PPP2R2C: variants seen among roughly 807,000 people sequenced by gnomAD.
PPP2R2C encodes protein phosphatase 2, regulatory subunit B, gamma.
Under a neutral mutation model 45.3 loss-of-function variants are expected in PPP2R2C, and 10 were observed. The observed-to-expected ratio is 0.22, with a 90% CI of 0.14 to 0.37. The LOEUF (loss-of-function observed/expected upper bound fraction) is 0.37. Ranked by LOEUF, PPP2R2C falls within the 10% of genes least tolerant of loss-of-function variation. The probability of loss-of-function intolerance (pLI) is 1.00; values close to 1 mark genes in which losing one functional copy is unlikely to be tolerated. For missense variants in PPP2R2C, 308 were observed against 619.7 expected, an observed-to-expected ratio of 0.50 and a Z score of 5.34; for synonymous variants, 257 against 245.4, an observed-to-expected ratio of 1.05 and a Z score of -0.44.
chr4:6,511,249 CT>C (rs1723446218), intron 2 of PPP2R2C, among the ~76,000 whole-genome samples: 2 of 25,256 alleles, frequency 7.9e-5, no homozygotes, highest in Non-Finnish European at 3.7e-4. Flanking sequence ...GCTGGTGATG[CT>C]GATGCTGATG....
At chr4:6,436,135 C>T (rs755568719) in intron 1 of PPP2R2C, among the ~76,000 whole-genome samples, 15 of 152,218 alleles carry the variant, frequency 9.9e-5, no homozygotes, top group Non-Finnish European at 1.9e-4. Context: ...CCTCAGCAGA[C>T]ACCAAATCTG....
intron 2 of PPP2R2C, among the ~76,000 whole-genome samples, chr4:6,529,153 CG>C (rs375995391): frequency 5.9e-5 from 9 of 152,220 alleles, no homozygotes; most frequent in African/African-American, 1.9e-4. Context: ...GCTGCTGGGC[CG>C]TAGGCCTGAA....
At chr4:6,390,655 C>T (rs1195461618) in intron 1 of PPP2R2C, among the ~76,000 whole-genome samples, 4 of 152,158 alleles carry the variant, frequency 2.6e-5, no homozygotes, top group Admixed American at 1.3e-4. Flanking sequence ...TCTCCAAGGG[C>T]GATCAGAAAG....
chr4:6,544,777 T>G (rs1013121985), intron 1 of PPP2R2C, among the ~76,000 whole-genome samples: 1 of 152,244 alleles, frequency 6.6e-6, no homozygotes, highest in Non-Finnish European at 1.5e-5. Flanking sequence ...CCCTGTGCTC[T>G]GCAACTGTGG....
intron 6 of PPP2R2C, among the ~76,000 whole-genome samples, chr4:6,337,112 G>GTGTGTGTGTATATATA (rs1202845732): frequency 6.6e-5 from 2 of 30,098 alleles, no homozygotes; most frequent in African/African-American, 2.1e-4. Context: ...ATGTGTGTGT[G>GTGTGTGTGTATATATA]TATATATATA....
Position 6,324,202 on chromosome 4 carries a change from C to T in PPP2R2C, c.1053-609G>A, listed in dbSNP as rs183813409. ...ATCCCAGCACTTTGGGAAGCCAAGG[C>T]GGGCAGATCACCTGAGGTTAGGAGT... On this transcript the variant is annotated intron_variant, in intron 8 of 8. Transcript: ENST00000382599. This position sits in a 1 kb window ranked among gnomAD's most constrained non-coding sequence, Gnocchi z 4.1. Among the ~76,000 whole-genome samples, 453 of 152,186 alleles carry T rather than the reference C, an allele frequency of 3.0e-3. 4 individuals carry two copies. Among genetic ancestry groups the T allele is most frequent in the Middle Eastern group, 0.024 (7 of 294 alleles).
intron 5 of PPP2R2C, chr4:6,351,043 A>C: frequency 1.0e-6 from 1 of 984,608 alleles, no homozygotes; most frequent in South Asian, 4.7e-5. Flanking sequence ...CAGAGCTCAC[A>C]CCTGTAATCC....
At chr4:6,335,328 G>A (rs1310686658) in intron 6 of PPP2R2C, among the ~76,000 whole-genome samples, 2 of 152,180 alleles carry the variant, frequency 1.3e-5, no homozygotes, top group Non-Finnish European at 2.9e-5. Context: ...CGTGGGAGGT[G>A]CTGTTTGACC....
rs574756956 is a variant in PPP2R2C at position 6,390,027 on chromosome 4, G to A, written c.71-8933C>T. On this transcript the variant is annotated intron_variant, in intron 1 of 8. Transcript: ENST00000382599. Reference sequence around the variant, plus strand: ...ACGTCTATGAAAGAGACCCTCAAAAGGCCCAAAATGATTCCTGCAGGTGGG... The same window carrying A: ...ACGTCTATGAAAGAGACCCTCAAAAAGCCCAAAATGATTCCTGCAGGTGGG... 2.0e-3 allele frequency among the ~76,000 whole-genome samples: 308 copies of A among 152,288 alleles called. 1 individual carries two copies. The highest frequency in any genetic ancestry group is 7.1e-3 in the African/African-American group (296 of 41,558).
chr4:6,501,573 T>TTTCA (rs367725442), intron 2 of PPP2R2C, among the ~76,000 whole-genome samples: 3,174 of 152,136 alleles, frequency 0.021, 73 homozygotes, highest in African/African-American at 0.046. Flanking sequence ...CTTGTAACAC[T>TTTCA]TTCATTCATT....
intron 6 of PPP2R2C, among the ~76,000 whole-genome samples, chr4:6,346,194 C>T (rs1407216789): frequency 6.6e-6 from 1 of 152,214 alleles, no homozygotes; most frequent in Admixed American, 6.5e-5. Flanking sequence ...ACGCCTGCTC[C>T]CCCGGGGACC....
At chr4:6,455,117 G>A (rs983205850) in intron 1 of PPP2R2C, among the ~76,000 whole-genome samples, 6 of 152,174 alleles carry the variant, frequency 3.9e-5, no homozygotes, top group African/African-American at 1.2e-4. Context: ...TGGGCTTGCT[G>A]TAATCTACAG....
At chr4:6,529,483 A>G (rs1011102997) in intron 2 of PPP2R2C, among the ~76,000 whole-genome samples, 1 of 152,128 alleles carries the variant, frequency 6.6e-6, no homozygotes. Flanking sequence ...CAGACAACCC[A>G]GTGAGGTGGG....
chr4:6,364,728 T>G lies in PPP2R2C; in HGVS notation c.625+7795A>C, dbSNP rs1714128366. On this transcript the variant is annotated intron_variant, in intron 5 of 8. Transcript: ENST00000382599. The surrounding 1 kb of genome is among the most constrained non-coding windows in gnomAD (Gnocchi z 5.3). ...GAGCTGCCCGAGGCCGCGGAGTCCCTATGTCTTGGGGCCAAGGTCTGAGCC... is the reference window on the plus strand; with the variant it reads ...GAGCTGCCCGAGGCCGCGGAGTCCCGATGTCTTGGGGCCAAGGTCTGAGCC... Among the ~76,000 whole-genome samples the G allele has an allele frequency of 6.6e-6, 1 of 152,084 alleles. No individual in the cohort carries two copies. Among genetic ancestry groups the G allele is most frequent in the Non-Finnish European group, 1.5e-5 (1 of 67,996 alleles).
intron 5 of PPP2R2C, among the ~76,000 whole-genome samples, chr4:6,353,110 A>G (rs916351378): frequency 6.6e-6 from 1 of 152,084 alleles, no homozygotes; most frequent in Non-Finnish European, 1.5e-5. Context: ...TGTGGCCCCC[A>G]GGACGGTGAG....
rs539797577 is a variant in PPP2R2C at position 6,467,097 on chromosome 4, T to G, written c.70+5063A>C. Among the ~76,000 whole-genome samples the G allele has an allele frequency of 3.9e-5, 6 of 152,206 alleles. No individual in the cohort carries two copies. The South Asian group carries it at 1.2e-3, about 32-fold the overall frequency. On this transcript the variant is annotated intron_variant, in intron 1 of 8. Transcript: ENST00000382599. ...GATGGAGGGCACCCCAGCACTGAAA[T>G]GGAGCCCACACTCGCTGTGAAGCCC... is the stretch of plus-strand genomic sequence containing the variant.
intron 2 of PPP2R2C, among the ~76,000 whole-genome samples, chr4:6,509,697 CACTT>C (rs1215422856): frequency 2.0e-5 from 3 of 152,230 alleles, no homozygotes; most frequent in African/African-American, 4.8e-5. Flanking sequence ...ACCCTGAACT[CACTT>C]ATCCGTTCAA....
At position 6,333,749 on chromosome 4, in the gene PPP2R2C, C is replaced by A. The variant is rs764442084; in HGVS notation, c.791-18G>T. 6 of 1,613,618 alleles carry A rather than the reference C, an allele frequency of 3.7e-6. No homozygotes were observed. In the African/African-American group the frequency reaches 8.0e-5, roughly 22 times the overall value. On this transcript the variant is annotated intron_variant, in intron 6 of 8. Coordinates refer to ENST00000382599, the MANE Select transcript of PPP2R2C (RefSeq NM_020416.4). ...TTCAAAGACTGTGGAGACAGAGAAG[C>A]AATGGCCGTCACTGCGCTGCTCCCG...
chr4:6,559,974 T>A (rs1725522970), intron 1 of PPP2R2C, among the ~76,000 whole-genome samples: 1 of 152,238 alleles, frequency 6.6e-6, no homozygotes, highest in Admixed American at 6.5e-5. Flanking sequence ...CATTCACTCC[T>A]CAAACATGTG....
Sources: gnomAD v4.1 joint callset for allele counts (sites outside exome capture counted in the v4.1 genomes callset) on GRCh38, gnomAD v4.1.1 for gene constraint, Gnocchi (gnomAD v3.1) non-coding constraint, MANE v1.5 for transcripts, NCBI Gene and HGNC (gene_info 2026-07-23, HGNC 2026-07-21) for gene names.